The following PPP1R10 variants were observed in gnomAD, a reference collection of about 807,000 sequenced individuals.
PPP1R10 encodes the protein protein phosphatase 1 regulatory subunit 10, also known as serine/threonine-protein phosphatase 1 regulatory subunit 10.
Under a neutral mutation model 99.0 loss-of-function variants are expected in PPP1R10, and 15 were observed. That is an observed-to-expected ratio of 0.15 (90% CI 0.10 to 0.23). The LOEUF is 0.23. PPP1R10 is among the 10% of genes least tolerant of loss of function. The pLI, the probability that PPP1R10 is intolerant of heterozygous loss-of-function variation, is 1.00. For synonymous variants in PPP1R10, 430 were observed against 449.5 expected, an observed-to-expected ratio of 0.96 and a Z score of 0.55; for missense variants, 947 against 1,259.4, an observed-to-expected ratio of 0.75 and a Z score of 3.75.
At chr6:30,603,093 C>T (rs1297916892) in intron 17 of PPP1R10, 117 bp downstream of exon 17, 1 of 1,431,320 alleles carries the variant, frequency 7.0e-7, no homozygotes, top group African/African-American at 1.4e-5. Context: ...TCTTCCCCTC[C>T]CATTTCTTGC....
Position 30,603,548 on chromosome 6 carries a change from C to T in PPP1R10, c.1691G>A (p.Ser564Asn). ...TTGGGGGCCCTTTCCAGCACCCATG[C>T]TTCCCATAAGATTGGCCAGAACTGG... ...LPPVLANLMG[S>N]MGAGKGPQGP... The change falls in exon 16 of 20, where the codon AGC becomes AAC. Residue 564 changes from serine (S) to asparagine (N), a missense_variant. Physicochemically the swap from Ser to Asn is conservative, Grantham distance 46. Transcript: ENST00000376511. 6.2e-7 allele frequency: 1 copy of T among 1,614,098 alleles called. No individual in the cohort carries two copies. Among genetic ancestry groups the T allele is most frequent in the Non-Finnish European group, 8.5e-7 (1 of 1,179,986 alleles).
intron 2 of PPP1R10, among the ~76,000 whole-genome samples, chr6:30,612,127 C>T (rs1033794173): frequency 6.6e-6 from 1 of 152,108 alleles, no homozygotes; most frequent in African/African-American, 2.4e-5. Context: ...TCTATATATA[C>T]ACACATACCT....
In PPP1R10 at chr6:30,601,958, A is replaced by G. The variant is rs1268790232; in HGVS notation, c.2691T>C (p.Asp897=). 1.3e-6 allele frequency: 2 copies of G among 1,511,166 alleles called. No individual in the cohort carries two copies. The highest frequency in any genetic ancestry group is 2.3e-5 in the East Asian group (1 of 43,806). The allele number at this position is 1,511,166 out of a possible 1,614,324, so 93.6% of individuals were successfully genotyped here. ...GHGGGGHRGH[D]GGHSHGGDMS... is the part of the protein sequence containing the mutation. ...CACCTCCTCCATGGCTGTGGCCTCC[A>G]TCGTGCCCTCGGTGGCCCCCTCCCC... The change falls in exon 19 of 20, where the codon GAT becomes GAC. Residue 897 remains aspartate (D), a synonymous_variant. Coordinates refer to ENST00000376511, the MANE Select transcript of PPP1R10 (RefSeq NM_002714.4).
chr6:30,604,479 G>C lies in PPP1R10; in HGVS notation c.1135C>G (p.Pro379Ala). Residue 379 changes from proline to alanine, a missense_variant, in exon 13 of 20, where the codon CCA becomes GCA. Transcript: ENST00000376511. This position sits in a 1 kb window ranked among gnomAD's most constrained non-coding sequence, Gnocchi z 7.3. Reference sequence around the variant, plus strand: ...TTAGGATCTCCAGGACTCTCCACTGGCTTGGCATCCAGAGCTCCTGGCTCC... The same window carrying C: ...TTAGGATCTCCAGGACTCTCCACTGCCTTGGCATCCAGAGCTCCTGGCTCC... Reference protein sequence around the residue: ...SLEPGALDAKPVESPGDPNQL... With the variant: ...SLEPGALDAKAVESPGDPNQL... 6.2e-7 allele frequency: 1 copy of C among 1,613,006 alleles called. No homozygotes were observed. Among genetic ancestry groups the C allele is most frequent in the African/African-American group, 1.3e-5 (1 of 74,990 alleles).
Position 30,605,111 on chromosome 6 carries a change from C to G in PPP1R10, c.854-17G>C. On this transcript the variant is annotated splice_polypyrimidine_tract_variant and intron_variant, in intron 10 of 19. Transcript: ENST00000376511. Reference sequence around the variant, plus strand: ...CCTCCATAGCTACAAAAAGAAAGAGCACCAAATGGCATCATCAGACCTCCT... The same window carrying G: ...CCTCCATAGCTACAAAAAGAAAGAGGACCAAATGGCATCATCAGACCTCCT... 1 of 1,604,248 alleles carries G rather than the reference C, an allele frequency of 6.2e-7. No homozygotes were observed. Among genetic ancestry groups the G allele is most frequent in the Non-Finnish European group, 8.5e-7 (1 of 1,172,730 alleles).
intron 2 of PPP1R10, among the ~76,000 whole-genome samples, chr6:30,613,964 C>T (rs536994590): frequency 6.6e-6 from 1 of 152,312 alleles, no homozygotes; most frequent in African/African-American, 2.4e-5. Context: ...AGAATCTGTA[C>T]CCAGTAGGAA....
Position 30,602,470 on chromosome 6 carries a change from CTCT to C in PPP1R10, c.2176_2178del (p.Arg726del). ...GGGGGTCCTCCTCCAGAGCGACCTC[CTCT>C]GGCGCCTCGGAATGGAGGAGGAGGA... On this transcript the variant is annotated inframe_deletion, in exon 19 of 20. Coordinates refer to ENST00000376511, the MANE Select transcript of PPP1R10 (RefSeq NM_002714.4). The surrounding 1 kb of genome is among the most constrained non-coding windows in gnomAD (Gnocchi z 6.7). The C allele has an allele frequency of 1.9e-6, 3 of 1,589,362 alleles. No homozygotes were observed. Among genetic ancestry groups the C allele is most frequent in the Non-Finnish European group, 2.6e-6 (3 of 1,165,722 alleles).
Position 30,609,372 on chromosome 6 carries a change from G to A in PPP1R10, c.108-209C>T, listed in dbSNP as rs1162875031. 6.6e-6 allele frequency among the ~76,000 whole-genome samples: 1 copy of A among 152,098 alleles called. No homozygotes were observed. The highest frequency in any genetic ancestry group is 1.5e-5 in the Non-Finnish European group (1 of 68,014). ...CAGAGACACCGCAGTCTCTGACCTG[G>A]GGAGGAGAGCATCGCTGCCTCCGTA... On this transcript the variant is annotated intron_variant, in intron 3 of 19. Transcript: ENST00000376511. The surrounding 1 kb of genome is among the most constrained non-coding windows in gnomAD (Gnocchi z 4.5).
intron 10 of PPP1R10, 108 bp downstream of exon 10, chr6:30,605,815 G>A (rs1411263299): frequency 1.3e-5 from 14 of 1,094,684 alleles, no homozygotes; most frequent in South Asian, 1.5e-5. Context: ...AGCCAAGACC[G>A]TGCCACTGCA....
At chr6:30,605,791 C>T (rs923589266) in intron 10 of PPP1R10, 132 bp downstream of exon 10, 68 of 854,720 alleles carry the variant, frequency 8.0e-5, no homozygotes, top group African/African-American at 2.8e-4. Flanking sequence ...ACCCGGGAGG[C>T]GGAGCTTGCA....
rs1430695830 is a variant in PPP1R10, at chr6:30,606,189, A to G, written c.689T>C (p.Val230Ala). The G allele has an allele frequency of 6.2e-7, 1 of 1,614,170 alleles. No individual in the cohort carries two copies. Among genetic ancestry groups the G allele is most frequent in the Non-Finnish European group, 8.5e-7 (1 of 1,180,036 alleles). Reference protein sequence around the residue: ...LVPVKKNASTVVVSDKYNLKP... With the variant: ...LVPVKKNASTAVVSDKYNLKP... ...AAGGTTGTACTTGTCAGAAACCACC[A>G]CTGTGCTGGCATTCTTCTTCACAGG... Residue 230 changes from valine to alanine, a missense_variant, in exon 9 of 20, where the codon GTG (valine) becomes GCG (alanine). Coordinates refer to ENST00000376511, the MANE Select transcript of PPP1R10 (RefSeq NM_002714.4). The surrounding 1 kb of genome is among the most constrained non-coding windows in gnomAD (Gnocchi z 6.3).
Position 30,604,523 on chromosome 6 carries a change from A to C in PPP1R10, c.1103-12T>G. ...TGGCTCCAAAGAGGCTGGAAGCAGA[A>C]GAGGTTTCAGACCCAGATCCCTCCT... On this transcript the variant is annotated splice_polypyrimidine_tract_variant and intron_variant, in intron 12 of 19. Transcript: ENST00000376511. The surrounding 1 kb of genome is among the most constrained non-coding windows in gnomAD (Gnocchi z 7.3). The C allele has an allele frequency of 6.2e-7, 1 of 1,613,010 alleles. No individual in the cohort carries two copies. Among genetic ancestry groups the C allele is most frequent in the South Asian group, 1.1e-5 (1 of 91,084 alleles).
chr6:30,613,167 T>C lies in PPP1R10; in HGVS notation c.-11-3212A>G, dbSNP rs111627757. Among the ~76,000 whole-genome samples, 1,150 of 152,276 alleles carry C rather than the reference T, an allele frequency of 7.6e-3. 12 individuals are homozygous for C. Among genetic ancestry groups the C allele is most frequent in the South Asian group, 0.025 (121 of 4,826 alleles). ...AGAGATAAACGTCTGTGACACCAAC[T>C]CCTGCCTTCAAAATGAATTTTACTT... On this transcript the variant is annotated intron_variant, in intron 2 of 19. Coordinates refer to ENST00000376511, the MANE Select transcript of PPP1R10 (RefSeq NM_002714.4).
At position 30,609,084 on chromosome 6, in the gene PPP1R10, A is replaced by G. The variant is rs748448591; in HGVS notation, c.187T>C (p.Leu63=). 1.4e-5 allele frequency: 22 copies of G among 1,614,014 alleles called. No individual in the cohort carries two copies. The highest frequency in any genetic ancestry group is 1.1e-4 in the East Asian group (5 of 44,886). ...ATCCAGATCCCCACTTACTTGACCA[A>G]TATTTCTGGTGAACGGGTCTGCAGG... ...ILLQTRSPEI[L]VKFIDVGGYK... The change falls in exon 4 of 20, where the codon TTG becomes CTG. Residue 63 remains leucine (L), a synonymous_variant. Coordinates refer to ENST00000376511, the MANE Select transcript of PPP1R10 (RefSeq NM_002714.4). This position sits in a 1 kb window ranked among gnomAD's most constrained non-coding sequence, Gnocchi z 4.5.
At position 30,609,860 on chromosome 6, in the gene PPP1R10, C is replaced by T; in HGVS notation, c.85G>A (p.Asp29Asn). The change falls in exon 3 of 20, where the codon GAT becomes AAT. Residue 29 changes from aspartate (D) to asparagine (N), a missense_variant. Physicochemically the swap from Asp to Asn is conservative, Grantham distance 23 (BLOSUM62 1). This residue lies in a region of PPP1R10 where 82 missense variants were observed against 117.3 expected (regional missense o/e 0.70). Coordinates refer to ENST00000376511, the MANE Select transcript of PPP1R10 (RefSeq NM_002714.4). The surrounding 1 kb of genome is among the most constrained non-coding windows in gnomAD (Gnocchi z 4.5). ...LNRDGEVKSV[D>N]GISKIFSLMK... ...CACCTGAAGATCTTGGAAATCCCAT[C>T]CACACTTTTGACTTCCCCATCTCGG... The T allele has an allele frequency of 1.2e-6, 2 of 1,614,048 alleles. No individual in the cohort carries two copies. The highest frequency in any genetic ancestry group is 1.7e-6 in the Non-Finnish European group (2 of 1,179,928).
Position 30,604,589 on chromosome 6 carries a change from T to G in PPP1R10, c.1101A>C (p.Thr367=), listed in dbSNP as rs770986472. The G allele has an allele frequency of 2.5e-6, 4 of 1,613,018 alleles. No homozygotes were observed. The highest frequency in any genetic ancestry group is 3.4e-6 in the Non-Finnish European group (4 of 1,180,008). The part of the protein sequence containing the change: ...PPVEVPELMD[T]ASLEPGALDA... ...AAACTGAACCAGTTTCTAGATTACC[T>G]GTATCCATGAGCTCCGGGACTTCAA... Residue 367 remains threonine (T), a splice_region_variant and synonymous_variant, in exon 12 of 20, where the codon ACA becomes ACC. Coordinates refer to ENST00000376511, the MANE Select transcript of PPP1R10 (RefSeq NM_002714.4). The surrounding 1 kb of genome is among the most constrained non-coding windows in gnomAD (Gnocchi z 7.3).
In PPP1R10 at chr6:30,602,572, G is replaced by A. The variant is rs1052500368; in HGVS notation, c.2077C>T (p.Arg693Trp). Residue 693 changes from arginine to tryptophan, a missense_variant, in exon 19 of 20, where the codon CGG becomes TGG. Physicochemically the swap from Arg to Trp is moderately radical, Grantham distance 101 (BLOSUM62 -3). Transcript: ENST00000376511. This position sits in a 1 kb window ranked among gnomAD's most constrained non-coding sequence, Gnocchi z 6.7. ...CCAGGACCTGGTCCTGGACCCCCCC[G>A]CATTGGGCCACCCCGCATAGGGTCG... is the stretch of plus-strand genomic sequence containing the variant. ...PGDPMRGGPM[R>W]GGPGPGPGPY... 10 of 1,564,212 alleles carry A rather than the reference G, an allele frequency of 6.4e-6. No homozygotes were observed. Among genetic ancestry groups the A allele is most frequent in the Non-Finnish European group, 7.8e-6 (9 of 1,157,818 alleles).
At position 30,607,900 on chromosome 6, in the gene PPP1R10, G is replaced by A; in HGVS notation, c.331-9C>T. 6.2e-7 allele frequency: 1 copy of A among 1,612,778 alleles called. No individual in the cohort carries two copies. Among genetic ancestry groups the A allele is most frequent in the Non-Finnish European group, 8.5e-7 (1 of 1,179,910 alleles). On this transcript the variant is annotated splice_polypyrimidine_tract_variant and intron_variant, in intron 5 of 19. Coordinates refer to ENST00000376511, the MANE Select transcript of PPP1R10 (RefSeq NM_002714.4). ...AGTTTAGCTGTGTTGTTCTATGAGA[G>A]ATGGGAGCAGCAGAAAGGTAAATGC...
intron 2 of PPP1R10, among the ~76,000 whole-genome samples, chr6:30,614,805 G>A (rs943710464): frequency 1.3e-5 from 2 of 152,146 alleles, no homozygotes; most frequent in Non-Finnish European, 2.9e-5. Flanking sequence ...ACAAGCAGTT[G>A]TGATGAGTGA....
Sources: gnomAD v4.1 joint callset for allele counts (sites outside exome capture counted in the v4.1 genomes callset) on GRCh38, gnomAD v4.1.1 for gene constraint, gnomAD v4.1.1 regional missense constraint, Gnocchi (gnomAD v3.1) non-coding constraint, MANE v1.5 for transcripts, NCBI Gene and HGNC (gene_info 2026-07-23, HGNC 2026-07-21) for gene names.